The following LINGO2 variants were observed in gnomAD, a reference collection of about 807,000 sequenced individuals.
The protein encoded by LINGO2 is leucine rich repeat and Ig domain containing 2, also known as leucine-rich repeat and immunoglobulin-like domain-containing nogo receptor-interacting protein 2.
LINGO2 carries 14 observed loss-of-function variants against 30.6 expected under a neutral mutation model. The observed-to-expected ratio is 0.46, with a 90% CI of 0.30 to 0.72. The LOEUF is 0.72. LINGO2 is among the 30% of genes least tolerant of loss of function. The probability of loss-of-function intolerance (pLI) is 0.07; values close to 1 mark genes in which losing one functional copy is unlikely to be tolerated. For missense variants in LINGO2, 729 were observed against 751.7 expected, an observed-to-expected ratio of 0.97 and a Z score of 0.35; for synonymous variants, 317 against 288.5, an observed-to-expected ratio of 1.10 and a Z score of -1.00.
intron 5 of LINGO2, among the ~76,000 whole-genome samples, chr9:27,962,251 G>T (rs1459829987): frequency 1.4e-5 from 2 of 148,064 alleles, no homozygotes; most frequent in Non-Finnish European, 3.0e-5. Flanking sequence ...GGCAGAATTT[G>T]CCCAATCTGC....
chr9:27,995,960 T>C (rs1214450216), intron 5 of LINGO2, among the ~76,000 whole-genome samples: 1 of 149,506 alleles, frequency 6.7e-6, no homozygotes, highest in East Asian at 1.9e-4. Context: ...TTAGAAAAAC[T>C]TAAAAACTTA....
intron 4 of LINGO2, among the ~76,000 whole-genome samples, chr9:28,181,119 C>A (rs927797059): frequency 1.3e-5 from 2 of 152,098 alleles, no homozygotes; most frequent in Non-Finnish European, 1.5e-5. Flanking sequence ...ATGAATGGGG[C>A]TGAAGGGAGA....
At chr9:28,935,728 T>G in the LINGO2 span, among the ~76,000 whole-genome samples, 1 of 151,964 alleles carries the variant, frequency 6.6e-6, no homozygotes, top group Non-Finnish European at 1.5e-5. Context: ...TGCAATATAG[T>G]CAAATTCTTT....
chr9:28,430,507 T>C (rs993047583), intron 2 of LINGO2, among the ~76,000 whole-genome samples: 1 of 152,186 alleles, frequency 6.6e-6, no homozygotes, highest in Non-Finnish European at 1.5e-5. Context: ...TTCATTCCAA[T>C]ATCATCCTCC....
rs533630170 is a variant in LINGO2 at position 28,129,867 on chromosome 9, T to C, written c.-86-117462A>G. ...AGAACACTTGGAAAATAAAGAAACATGCATAGAAAAAATATGTTGTTCTTT... is the reference window on the plus strand; with the variant it reads ...AGAACACTTGGAAAATAAAGAAACACGCATAGAAAAAATATGTTGTTCTTT... On this transcript the variant is annotated intron_variant, in intron 4 of 5. Transcript: ENST00000379992. The surrounding 1 kb of genome is among the most constrained non-coding windows in gnomAD (Gnocchi z 4.0). 6.6e-5 allele frequency among the ~76,000 whole-genome samples: 10 copies of C among 152,288 alleles called. No individual in the cohort carries two copies. The South Asian group carries it at 1.9e-3, about 28-fold the overall frequency.
chr9:27,981,914 G>A (rs1189349312), intron 5 of LINGO2, among the ~76,000 whole-genome samples: 1 of 151,818 alleles, frequency 6.6e-6, no homozygotes, highest in East Asian at 1.9e-4. Context: ...ACATGTACCA[G>A]GTTAGTTTGA....
At chr9:28,255,978 T>A (rs1822370467) in intron 4 of LINGO2, among the ~76,000 whole-genome samples, 1 of 152,092 alleles carries the variant, frequency 6.6e-6, no homozygotes, top group Admixed American at 6.6e-5. Flanking sequence ...TCTGTGAATC[T>A]GCAGAAATTG....
chr9:28,390,324 G>A (rs941304686), intron 2 of LINGO2, among the ~76,000 whole-genome samples: 4 of 152,106 alleles, frequency 2.6e-5, no homozygotes, highest in Admixed American at 6.5e-5. Flanking sequence ...AATAAAGGAA[G>A]AACCTTTTAC....
the LINGO2 span, among the ~76,000 whole-genome samples, chr9:28,688,165 G>A: frequency 6.6e-6 from 1 of 152,222 alleles, no homozygotes; most frequent in South Asian, 2.1e-4. Context: ...AACACTGTAA[G>A]GCAGAAATAC....
the LINGO2 span, among the ~76,000 whole-genome samples, chr9:29,128,760 G>A: frequency 6.6e-6 from 1 of 152,060 alleles, no homozygotes; most frequent in Non-Finnish European, 1.5e-5. Flanking sequence ...AGAGTTCCAA[G>A]GTAAAGGCTA....
At chr9:29,191,915 T>C in the LINGO2 span, among the ~76,000 whole-genome samples, 1 of 152,088 alleles carries the variant, frequency 6.6e-6, no homozygotes, top group Non-Finnish European at 1.5e-5. Context: ...TCAAGCTTTC[T>C]TAATATTGAG....
the LINGO2 span, among the ~76,000 whole-genome samples, chr9:29,145,395 C>G: frequency 6.6e-6 from 1 of 151,376 alleles, no homozygotes; most frequent in Admixed American, 6.6e-5. Context: ...TATTGTTCTT[C>G]CAAATGAAGG....
chr9:29,101,312 T>C, the LINGO2 span, among the ~76,000 whole-genome samples: 2 of 152,176 alleles, frequency 1.3e-5, no homozygotes, highest in African/African-American at 4.8e-5. Context: ...TTAATAAAGA[T>C]AGGTTGGGGA....
chr9:28,668,904 T>G (rs777026066), intron 1 of LINGO2, among the ~76,000 whole-genome samples: 8 of 152,052 alleles, frequency 5.3e-5, no homozygotes, highest in Non-Finnish European at 1.2e-4. Flanking sequence ...CAATTTTTAG[T>G]TATTATCTCA....
At chr9:28,175,018 TA>T (rs1828711282) in intron 4 of LINGO2, among the ~76,000 whole-genome samples, 2 of 151,858 alleles carry the variant, frequency 1.3e-5, no homozygotes, top group Admixed American at 6.6e-5. Flanking sequence ...TGTATAAGGG[TA>T]ACTGCCTGCC....
At chr9:28,762,323 G>A in the LINGO2 span, among the ~76,000 whole-genome samples, 1 of 152,000 alleles carries the variant, frequency 6.6e-6, no homozygotes, top group Non-Finnish European at 1.5e-5. Flanking sequence ...AAGGAAGAAA[G>A]AGAAAAGGGA....
the LINGO2 span, among the ~76,000 whole-genome samples, chr9:29,052,612 T>C: frequency 1.3e-5 from 2 of 152,190 alleles, no homozygotes; most frequent in African/African-American, 4.8e-5. Flanking sequence ...AAGTAACATA[T>C]GGTATGTTAC....
chr9:28,482,796 A>G (rs1379157506), intron 1 of LINGO2, among the ~76,000 whole-genome samples: 1 of 152,130 alleles, frequency 6.6e-6, no homozygotes, highest in East Asian at 1.9e-4. Context: ...AGCCATATGT[A>G]GAAAGCTGAA....
chr9:28,243,321 G>A (rs555976165), intron 4 of LINGO2, among the ~76,000 whole-genome samples: 1 of 151,908 alleles, frequency 6.6e-6, no homozygotes, highest in Non-Finnish European at 1.5e-5. Flanking sequence ...TTAACCGGGT[G>A]TGGTGGTGGG....
Sources: allele counts gnomAD v4.1 joint callset (sites outside exome capture counted in the v4.1 genomes callset), GRCh38; gene constraint gnomAD v4.1.1; non-coding constraint Gnocchi (gnomAD v3.1); transcripts MANE v1.5; gene names NCBI Gene and HGNC (gene_info 2026-07-23, HGNC 2026-07-21).